SAMD4B: variants seen among roughly 807,000 people sequenced by gnomAD.
SAMD4B encodes the protein protein Smaug homolog 2.
A neutral mutation model predicts 74.5 loss-of-function variants in SAMD4B; 5 were observed. The ratio of observed to expected loss-of-function variants is 0.07; its 90% CI spans 0.04 to 0.14. SAMD4B has a LOEUF of 0.14. Ranked by LOEUF, SAMD4B falls within the 10% of genes least tolerant of loss-of-function variation. SAMD4B has a pLI of 1.00. For synonymous variants in SAMD4B, 373 were observed against 374.9 expected (o/e 1.00, Z 0.06); for missense variants, 608 against 921.8 (o/e 0.66, Z 4.41).
chr19:39,349,584 TATAAG>T (rs142412694), intron 1 of SAMD4B, among the ~76,000 whole-genome samples: 4,780 of 152,340 alleles, frequency 0.031, 99 homozygotes, highest in Middle Eastern at 0.044. Context: ...GGTTGATTCT[TATAAG>T]AGAAGTTGTG....
chr19:39,359,735 A>G (rs183150398), intron 3 of SAMD4B, among the ~76,000 whole-genome samples: 2 of 152,304 alleles, frequency 1.3e-5, no homozygotes, highest in African/African-American at 4.8e-5. Flanking sequence ...ATTTGACTTC[A>G]GAGTTCTTTA....
At chr19:39,385,761 T>G (rs1161211031), downstream of SAMD4B, 1 of 621,964 alleles carries the variant, frequency 1.6e-6, no homozygotes, top group East Asian at 2.8e-5. Flanking sequence ...TGGCCTGTGT[T>G]TCTAAGCCTC....
intron 2 of SAMD4B, among the ~76,000 whole-genome samples, chr19:39,356,336 A>G (rs1217395390): frequency 6.6e-6 from 1 of 152,146 alleles, no homozygotes; most frequent in Non-Finnish European, 1.5e-5. Context: ...ATCAATTCAT[A>G]TCTTTTCTCA....
At chr19:39,382,104 C>T (rs1014484274) in intron 12 of SAMD4B, among the ~76,000 whole-genome samples, 3 of 152,170 alleles carry the variant, frequency 2.0e-5, no homozygotes, top group Admixed American at 6.5e-5. Flanking sequence ...CATGGATTTG[C>T]AGAATTCATG....
intron 6 of SAMD4B, 70 bp from the exon 7 acceptor site, chr19:39,376,635 C>T: frequency 1.9e-6 from 3 of 1,579,170 alleles, no homozygotes; most frequent in Non-Finnish European, 2.6e-6. Context: ...TCCTTGATCT[C>T]TATTTGGGTA....
chr19:39,354,377 A>T (rs1273972476), intron 2 of SAMD4B, among the ~76,000 whole-genome samples: 1 of 151,552 alleles, frequency 6.6e-6, no homozygotes, highest in Non-Finnish European at 1.5e-5. Flanking sequence ...AGTGCCTTCA[A>T]TTTTTTTTTC....
chr19:39,372,328 G>A (rs1409163721), intron 4 of SAMD4B, among the ~76,000 whole-genome samples: 1 of 152,158 alleles, frequency 6.6e-6, no homozygotes, highest in East Asian at 1.9e-4. Context: ...GAGGCAGAGA[G>A]GTGAATGAAG....
intron 3 of SAMD4B, among the ~76,000 whole-genome samples, chr19:39,363,650 T>G (rs2076783083): frequency 1.3e-5 from 2 of 152,158 alleles, no homozygotes; most frequent in Admixed American, 1.3e-4. Context: ...CAGTCCCCAT[T>G]TACAGAAGAG....
chr19:39,387,732 A>G (rs1217893695), downstream of SAMD4B, among the ~76,000 whole-genome samples: 1 of 152,212 alleles, frequency 6.6e-6, no homozygotes, highest in African/African-American at 2.4e-5. Context: ...ATTCATGCTA[A>G]TTTTATATAT....
At chr19:39,388,315 A>G (rs777638849), downstream of SAMD4B, 1 of 1,613,594 alleles carries the variant, frequency 6.2e-7, no homozygotes, top group South Asian at 1.1e-5. Flanking sequence ...ATCCAGGCTA[A>G]TCAGATAGGA....
intron 3 of SAMD4B, chr19:39,369,260 C>G: frequency 3.8e-6 from 1 of 259,966 alleles, no homozygotes; most frequent in Non-Finnish European, 7.5e-6. Flanking sequence ...GATTGGGTGT[C>G]TGCACTAAGT....
chr19:39,382,273 C>T lies in SAMD4B; in HGVS notation c.1973-935C>T, dbSNP rs529303186. ...ATGTTAAACAAGCAGGTGGATGAAC[C>T]GCAGGAATGAACAAGAACCATTCTC... On this transcript the variant is annotated intron_variant, in intron 12 of 13. Transcript: ENST00000610417. 9.2e-5 allele frequency among the ~76,000 whole-genome samples: 14 copies of T among 152,186 alleles called. No homozygotes were observed. The South Asian group carries it at 2.5e-3, about 27-fold the overall frequency.
chr19:39,354,382 T>G (rs2076224165), intron 2 of SAMD4B, among the ~76,000 whole-genome samples: 1 of 152,222 alleles, frequency 6.6e-6, no homozygotes. Flanking sequence ...CTTCAATTTT[T>G]TTTTCTTAAA....
downstream of SAMD4B, chr19:39,386,784 CT>C: frequency 6.2e-7 from 1 of 1,613,690 alleles, no homozygotes; most frequent in Non-Finnish European, 8.5e-7. This position sits in a 1 kb window ranked among gnomAD's most constrained non-coding sequence, Gnocchi z 6.1. Flanking sequence ...TGGCCCGGCG[CT>C]TACTAAGGCG....
intron 3 of SAMD4B, among the ~76,000 whole-genome samples, chr19:39,357,861 G>T (rs1228785774): frequency 6.6e-6 from 1 of 152,216 alleles, no homozygotes; most frequent in Non-Finnish European, 1.5e-5. Context: ...GGGGCTCCAT[G>T]CAGTTTGTCC....
chr19:39,355,373 A>G (rs990076239), intron 2 of SAMD4B, among the ~76,000 whole-genome samples: 9 of 152,188 alleles, frequency 5.9e-5, no homozygotes, highest in African/African-American at 1.9e-4. Flanking sequence ...TAGGGGTCCC[A>G]CAGGGGATCT....
intron 2 of SAMD4B, among the ~76,000 whole-genome samples, chr19:39,354,836 C>T (rs374047980): frequency 1.3e-5 from 2 of 151,908 alleles, no homozygotes; most frequent in Non-Finnish European, 2.9e-5. Flanking sequence ...CTATAGGGCT[C>T]GGTAGTTCAA....
intron 3 of SAMD4B, among the ~76,000 whole-genome samples, chr19:39,361,535 G>A (rs2076647639): frequency 6.6e-6 from 1 of 151,796 alleles, no homozygotes; most frequent in Non-Finnish European, 1.5e-5. Context: ...AGAATGGTGT[G>A]AACCCAGGAG....
chr19:39,355,411 T>C (rs556754285), intron 2 of SAMD4B, among the ~76,000 whole-genome samples: 6 of 152,320 alleles, frequency 3.9e-5, no homozygotes, highest in African/African-American at 1.4e-4. Flanking sequence ...TGTTGCCTAA[T>C]GCACCCCACA....
Sources: gnomAD v4.1 joint callset for allele counts (sites outside exome capture counted in the v4.1 genomes callset) on GRCh38, gnomAD v4.1.1 for gene constraint, Gnocchi (gnomAD v3.1) non-coding constraint, MANE v1.5 for transcripts, NCBI Gene and HGNC (gene_info 2026-07-23, HGNC 2026-07-21) for gene names.